PRMT8: variants seen among roughly 807,000 people sequenced by gnomAD.
The protein encoded by PRMT8 is protein arginine N-methyltransferase 8.
In PRMT8, 7 loss-of-function variants were observed where a neutral mutation model predicts 47.1. The observed-to-expected ratio is 0.15, with a 90% CI of 0.08 to 0.28. The LOEUF is 0.28. Ranked by LOEUF, PRMT8 falls within the 10% of genes least tolerant of loss-of-function variation. PRMT8 has a pLI of 1.00. For missense variants in PRMT8, 237 were observed against 505.4 expected, an observed-to-expected ratio of 0.47 and a Z score of 5.09; for synonymous variants, 188 against 186.5, an observed-to-expected ratio of 1.01 and a Z score of -0.07.
At chr12:3,421,762 A>C (rs536598317) in intron 1 of PRMT8, among the ~76,000 whole-genome samples, 1 of 152,272 alleles carries the variant, frequency 6.6e-6, no homozygotes, top group Non-Finnish European at 1.5e-5. Flanking sequence ...GTTTTGTTTT[A>C]GTGTTTGAAA....
At chr12:3,422,748 T>G (rs1864557601) in intron 1 of PRMT8, among the ~76,000 whole-genome samples, 1 of 152,256 alleles carries the variant, frequency 6.6e-6, no homozygotes, top group African/African-American at 2.4e-5. Context: ...CTGGGCTATC[T>G]GCCTGTGGAT....
rs149099482 is a variant in PRMT8 at position 3,584,645 on chromosome 12, A to C, written c.979+1437A>C. On this transcript the variant is annotated intron_variant, in intron 8 of 9. Transcript: ENST00000382622. Reference sequence around the variant, plus strand: ...CCAACCCATCCCACTCCCACTCTTCAGAGGCAAATATTATTATTAATGATT... The same window carrying C: ...CCAACCCATCCCACTCCCACTCTTCCGAGGCAAATATTATTATTAATGATT... 1.6e-3 allele frequency among the ~76,000 whole-genome samples: 239 copies of C among 152,374 alleles called. 2 individuals carry two copies. Among genetic ancestry groups the C allele is most frequent in the East Asian group, 0.015 (77 of 5,190 alleles).
At chr12:3,422,982 A>T (rs1772432101) in intron 1 of PRMT8, among the ~76,000 whole-genome samples, 1 of 152,248 alleles carries the variant, frequency 6.6e-6, no homozygotes, top group Admixed American at 6.5e-5. Context: ...GGTAGCGATG[A>T]AGCTTTTTGT....
At chr12:3,397,544 C>T (rs1189039641) in intron 1 of PRMT8, among the ~76,000 whole-genome samples, 3 of 151,424 alleles carry the variant, frequency 2.0e-5, no homozygotes, top group Admixed American at 6.6e-5. Flanking sequence ...GTCAGGGACC[C>T]ACTTGAGGAG....
chr12:3,471,817 C>G (rs1052155539), intron 1 of PRMT8, among the ~76,000 whole-genome samples: 12 of 151,826 alleles, frequency 7.9e-5, no homozygotes, highest in African/African-American at 2.9e-4. Flanking sequence ...AGGCGCCCGT[C>G]CCTGGTGGAA....
chr12:3,525,238 A>T (rs544842060), intron 1 of PRMT8, among the ~76,000 whole-genome samples: 3 of 152,122 alleles, frequency 2.0e-5, no homozygotes, highest in African/African-American at 7.2e-5. Flanking sequence ...AAAGAGAACT[A>T]TTCAAATATA....
In PRMT8 at chr12:3,558,369, C is replaced by T. The variant is rs1866564087; in HGVS notation, c.481+4655C>T. Among the ~76,000 whole-genome samples the T allele has an allele frequency of 2.0e-5, 3 of 152,254 alleles. No homozygotes were observed. The South Asian group carries it at 6.2e-4, about 32-fold the overall frequency. On this transcript the variant is annotated intron_variant, in intron 4 of 9. Coordinates refer to ENST00000382622, the MANE Select transcript of PRMT8 (RefSeq NM_019854.5). ...TTGAGAGTAAGTGGTTGATGCAATG[C>T]TCCGTCATCCCTGAATACATTAGTG...
At chr12:3,435,030 G>A (rs980528558) in intron 1 of PRMT8, among the ~76,000 whole-genome samples, 8 of 149,548 alleles carry the variant, frequency 5.3e-5, no homozygotes, top group Admixed American at 1.3e-4. Flanking sequence ...GTGCAGGGGC[G>A]CGATCTCGGC....
At chr12:3,420,291 G>A (rs1022393675) in intron 1 of PRMT8, among the ~76,000 whole-genome samples, 1 of 147,738 alleles carries the variant, frequency 6.8e-6, no homozygotes, top group African/African-American at 2.7e-5. Context: ...TACTGGCTGT[G>A]TGATACTGAG....
At chr12:3,410,014 C>T (rs939701484) in intron 1 of PRMT8, among the ~76,000 whole-genome samples, 2 of 152,176 alleles carry the variant, frequency 1.3e-5, no homozygotes, top group African/African-American at 4.8e-5. Flanking sequence ...CTGGTTAGCT[C>T]CTGATCCTGT....
upstream of PRMT8, among the ~76,000 whole-genome samples, chr12:3,489,837 G>A (rs999769716): frequency 1.7e-3 from 239 of 137,316 alleles, 1 homozygote; most frequent in African/African-American, 5.6e-3. Context: ...ACACACACGC[G>A]CGCACACACA....
intron 4 of PRMT8, among the ~76,000 whole-genome samples, chr12:3,562,601 C>T (rs1165507073): frequency 6.6e-6 from 1 of 152,194 alleles, no homozygotes; most frequent in Admixed American, 6.5e-5. Flanking sequence ...TCACACACTG[C>T]CTGCCAAGAG....
intron 1 of PRMT8, among the ~76,000 whole-genome samples, chr12:3,426,490 C>A (rs1864605540): frequency 6.6e-6 from 1 of 152,168 alleles, no homozygotes; most frequent in Non-Finnish European, 1.5e-5. Flanking sequence ...TTATTGAAAT[C>A]TCCCTGGATT....
At chr12:3,519,300 C>G (rs942365932) in intron 1 of PRMT8, among the ~76,000 whole-genome samples, 1 of 152,054 alleles carries the variant, frequency 6.6e-6, no homozygotes, top group Admixed American at 6.5e-5. Flanking sequence ...AAGGGAGACA[C>G]TGAAGATGAG....
intron 1 of PRMT8, among the ~76,000 whole-genome samples, chr12:3,410,930 A>C (rs1864422784): frequency 6.6e-6 from 1 of 152,332 alleles, no homozygotes; most frequent in African/African-American, 2.4e-5. Context: ...GTGTCTGAAA[A>C]ATATAGTAGT....
chr12:3,574,184 G>A (rs1222099842), intron 6 of PRMT8: 1 of 152,242 alleles, frequency 6.6e-6, no homozygotes. Context: ...TGTGCTAAAT[G>A]CTGTACTATG....
intron 4 of PRMT8, among the ~76,000 whole-genome samples, chr12:3,560,916 G>A (rs1866625518): frequency 6.6e-6 from 1 of 152,320 alleles, no homozygotes; most frequent in Non-Finnish European, 1.5e-5. Flanking sequence ...TGGAGGTCAA[G>A]TGCCTGATAT....
chr12:3,540,539 C>G, intron 1 of PRMT8, 67 bp from the exon 2 acceptor site: 1 of 1,097,472 alleles, frequency 9.1e-7, no homozygotes, highest in Non-Finnish European at 1.4e-6. Flanking sequence ...GGAAAGAGGA[C>G]CGCAAGCCTC....
chr12:3,487,927 A>G (rs1452827419), upstream of PRMT8, among the ~76,000 whole-genome samples: 4 of 152,174 alleles, frequency 2.6e-5, no homozygotes, highest in Admixed American at 6.5e-5. Context: ...TCACTAAATC[A>G]TACTCTCTGG....
Sources: gnomAD v4.1 joint callset for allele counts (sites outside exome capture counted in the v4.1 genomes callset) on GRCh38, gnomAD v4.1.1 for gene constraint, MANE v1.5 for transcripts, NCBI Gene and HGNC (gene_info 2026-07-23, HGNC 2026-07-21) for gene names.